RALGPS1: variants seen among roughly 807,000 people sequenced by gnomAD.
The protein encoded by RALGPS1 is Ral GEF with PH domain and SH3 binding motif 1.
A neutral mutation model predicts 78.8 loss-of-function variants in RALGPS1; 19 were observed. The observed-to-expected ratio is 0.24, with a 90% confidence interval of 0.17 to 0.35. RALGPS1 has a LOEUF of 0.35. Among genes scored for constraint, RALGPS1 ranks in the 10% least tolerant of loss-of-function variants. RALGPS1 has a pLI of 1.00. For synonymous variants in RALGPS1, 228 were observed against 256.3 expected, an observed-to-expected ratio of 0.89 and a Z score of 1.06; for missense variants, 454 against 688.3, an observed-to-expected ratio of 0.66 and a Z score of 3.81.
In RALGPS1 at chr9:126,931,531, G is replaced by A. The variant is rs144401728; in HGVS notation, c.-66+16556G>A. 5.3e-3 allele frequency among the ~76,000 whole-genome samples: 813 copies of A among 152,258 alleles called. 1 individual carries two copies. The highest frequency in any genetic ancestry group is 8.3e-3 in the Non-Finnish European group (565 of 68,026). On this transcript the variant is annotated intron_variant, in intron 1 of 18. Transcript: ENST00000259351. ...AGCAAGACACAAAAGTCCACATACCGTATGATTCTGTCTGTATGAAACGTG... is the reference window on the plus strand; with the variant it reads ...AGCAAGACACAAAAGTCCACATACCATATGATTCTGTCTGTATGAAACGTG...
intron 14 of RALGPS1, among the ~76,000 whole-genome samples, chr9:127,208,423 TCA>T (rs1226893824): frequency 2.0e-5 from 3 of 152,210 alleles, no homozygotes; most frequent in Admixed American, 6.5e-5. Context: ...AGGCTTTATC[TCA>T]CAGTGTGGTG....
chr9:126,998,698 G>A (rs2043002302), intron 4 of RALGPS1, among the ~76,000 whole-genome samples: 1 of 152,074 alleles, frequency 6.6e-6, no homozygotes, highest in Non-Finnish European at 1.5e-5. Context: ...AAATCATGCT[G>A]CTATAAAGAC....
intron 1 of RALGPS1, among the ~76,000 whole-genome samples, chr9:126,947,652 T>C (rs2037407646): frequency 6.6e-6 from 1 of 152,132 alleles, no homozygotes; most frequent in South Asian, 2.1e-4. Flanking sequence ...TGGTTCTCTG[T>C]CCCCTAAGCC....
intron 1 of RALGPS1, among the ~76,000 whole-genome samples, chr9:126,922,436 T>C (rs1229766062): frequency 6.6e-6 from 1 of 152,228 alleles, no homozygotes; most frequent in Admixed American, 6.5e-5. Flanking sequence ...GCCTGATAAC[T>C]AGGGCAAGGG....
intron 18 of RALGPS1, chr9:127,217,599 C>A: frequency 3.9e-6 from 1 of 258,484 alleles, no homozygotes; most frequent in Non-Finnish European, 6.0e-6. Context: ...CCACCATGAG[C>A]CTAACAGCAG....
chr9:127,097,249 G>A (rs2053230934), intron 8 of RALGPS1, among the ~76,000 whole-genome samples: 2 of 152,200 alleles, frequency 1.3e-5, no homozygotes, highest in Admixed American at 6.5e-5. Flanking sequence ...TGTCTGTTAT[G>A]ATGTAGAAGA....
At chr9:127,106,855 T>C (rs2054267890) in intron 8 of RALGPS1, 1 of 152,206 alleles carries the variant, frequency 6.6e-6, no homozygotes, top group Non-Finnish European at 1.5e-5. Context: ...GTGAAATAAG[T>C]GTAAAGCAGG....
chr9:127,159,326 C>T (rs2058883641), intron 8 of RALGPS1, among the ~76,000 whole-genome samples: 1 of 152,170 alleles, frequency 6.6e-6, no homozygotes, highest in Non-Finnish European at 1.5e-5. Context: ...CTCATTTCAC[C>T]TTGGGGAGCC....
chr9:126,936,560 T>C (rs963315266), intron 1 of RALGPS1, among the ~76,000 whole-genome samples: 2 of 152,016 alleles, frequency 1.3e-5, no homozygotes, highest in Non-Finnish European at 2.9e-5. Context: ...GGAAAGAGAA[T>C]TAGGCTGTCT....
chr9:127,186,566 G>A (rs906686473), intron 11 of RALGPS1, among the ~76,000 whole-genome samples: 4 of 152,260 alleles, frequency 2.6e-5, no homozygotes, highest in Non-Finnish European at 5.9e-5. Context: ...GGAACATGAG[G>A]CCTTTCAGTA....
intron 8 of RALGPS1, among the ~76,000 whole-genome samples, chr9:127,163,838 C>G (rs528745895): frequency 1.3e-5 from 2 of 152,260 alleles, no homozygotes; most frequent in South Asian, 4.1e-4. Flanking sequence ...TATAATTAAC[C>G]AAGTTAATTC....
intron 6 of RALGPS1, among the ~76,000 whole-genome samples, chr9:127,050,917 C>A (rs932654386): frequency 3.3e-5 from 5 of 152,196 alleles, no homozygotes; most frequent in Non-Finnish European, 7.3e-5. Flanking sequence ...GCTGTGGTCA[C>A]CTGCTTTACT....
chr9:127,148,505 T>A (rs541908618), intron 8 of RALGPS1, among the ~76,000 whole-genome samples: 1 of 152,340 alleles, frequency 6.6e-6, no homozygotes, highest in East Asian at 1.9e-4. Context: ...ACTGAATGAA[T>A]GAACAAACCT....
chr9:127,190,069 TTAAG>T (rs1412128742), intron 11 of RALGPS1, among the ~76,000 whole-genome samples: 1 of 152,174 alleles, frequency 6.6e-6, no homozygotes, highest in African/African-American at 2.4e-5. Flanking sequence ...ACATATTTCT[TTAAG>T]TATTAATACT....
chr9:127,017,677 A>T (rs972204456), intron 4 of RALGPS1, among the ~76,000 whole-genome samples: 4 of 152,240 alleles, frequency 2.6e-5, no homozygotes, highest in Non-Finnish European at 5.9e-5. Context: ...TAAAACACAC[A>T]TTGTTCAGCT....
At chr9:127,129,047 T>C (rs2056827231) in intron 8 of RALGPS1, among the ~76,000 whole-genome samples, 1 of 152,150 alleles carries the variant, frequency 6.6e-6, no homozygotes, top group South Asian at 2.1e-4. Flanking sequence ...AGCCAACAAA[T>C]ATTCGTTTTA....
chr9:127,213,197 C>A, intron 17 of RALGPS1, 148 bp downstream of exon 17: 2 of 1,440,004 alleles, frequency 1.4e-6, no homozygotes, highest in Non-Finnish European at 1.8e-6. Flanking sequence ...CCATGCTAGT[C>A]CACAAAAGCT....
chr9:127,146,843 C>G (rs1303659211), intron 8 of RALGPS1, among the ~76,000 whole-genome samples: 1 of 152,216 alleles, frequency 6.6e-6, no homozygotes, highest in African/African-American at 2.4e-5. Context: ...CGCACCCAGC[C>G]TGAATGTGTC....
intron 7 of RALGPS1, among the ~76,000 whole-genome samples, chr9:127,055,682 C>A (rs900484112): frequency 6.6e-6 from 1 of 152,168 alleles, no homozygotes; most frequent in Non-Finnish European, 1.5e-5. Context: ...ACCTAAGCAG[C>A]CTGGCTCCAG....
Sources: allele counts gnomAD v4.1 joint callset (sites outside exome capture counted in the v4.1 genomes callset), GRCh38; gene constraint gnomAD v4.1.1; transcripts MANE v1.5; gene names NCBI Gene and HGNC (gene_info 2026-07-23, HGNC 2026-07-21).